Variants in DBF4B observed in about 807,000 individuals in gnomAD.
DBF4B encodes the protein DBF4B-CDC7 kinase regulatory subunit, also known as protein DBF4 homolog B.
In DBF4B, 49 loss-of-function variants were observed where a neutral mutation model predicts 53.4. The ratio of observed to expected loss-of-function variants is 0.92; its 90% CI spans 0.73 to 1.16. The LOEUF is 1.16. DBF4B is among the 50% of genes most tolerant of loss of function. The pLI is 0.00. For missense variants in DBF4B, 692 were observed against 775.0 expected (o/e 0.89, Z 1.27); for synonymous variants, 257 against 288.7 (o/e 0.89, Z 1.11).
intron 6 of DBF4B, among the ~76,000 whole-genome samples, chr17:44,733,425 AGTT>A (rs1311531754): frequency 6.6e-6 from 1 of 152,140 alleles, no homozygotes; most frequent in Non-Finnish European, 1.5e-5. Context: ...ACACTAGAAT[AGTT>A]GTCTTGAACC....
intron 13 of DBF4B, 38 bp downstream of exon 13, chr17:44,748,503 G>A: frequency 6.2e-7 from 1 of 1,612,826 alleles, no homozygotes; most frequent in Non-Finnish European, 8.5e-7. Flanking sequence ...ACAGCACGCA[G>A]GCACCAGCTG....
At chr17:44,744,928 T>C (rs1414841731) in intron 10 of DBF4B, among the ~76,000 whole-genome samples, 1 of 152,226 alleles carries the variant, frequency 6.6e-6, no homozygotes, top group Non-Finnish European at 1.5e-5. Flanking sequence ...ATCACTTTAA[T>C]GATTTGTAAG....
At chr17:44,734,200 G>C in intron 7 of DBF4B, 37 bp downstream of exon 7, 1 of 1,613,812 alleles carries the variant, frequency 6.2e-7, no homozygotes. Context: ...CAAATGGATG[G>C]TTTTCAATGA....
chr17:44,708,883 T>G (rs1972607869), intron 1 of DBF4B, 44 bp downstream of exon 1: 1 of 1,547,752 alleles, frequency 6.5e-7, no homozygotes, highest in Non-Finnish European at 8.7e-7. Context: ...GAAGGGGTCG[T>G]TAATAGCTGA....
intron 5 of DBF4B, chr17:44,731,967 C>T (rs979512349): frequency 5.4e-6 from 3 of 559,586 alleles, no homozygotes; most frequent in African/African-American, 3.8e-5. Context: ...ACCAGTGGTC[C>T]TTCCTCTCCC....
intron 2 of DBF4B, among the ~76,000 whole-genome samples, chr17:44,711,860 C>T (rs1426376321): frequency 2.0e-5 from 3 of 151,596 alleles, no homozygotes; most frequent in Non-Finnish European, 2.9e-5. Flanking sequence ...GGCGTGAACC[C>T]GGGAGGCGGA....
chr17:44,736,678 C>T lies in DBF4B; in HGVS notation c.631-152C>T, dbSNP rs1201545452. 4 of 779,706 alleles carry T rather than the reference C, an allele frequency of 5.1e-6. No individual in the cohort carries two copies. The East Asian group carries it at 1.0e-4, about 20-fold the overall frequency. 48.3% of individuals were successfully genotyped at this position (779,706 alleles called of 1,614,324 possible). On this transcript the variant is annotated intron_variant, in intron 7 of 13. Transcript: ENST00000315005. ...GAGGGAGCCGTTGTGCCCAGGTCTG[C>T]TCCAGCTCAGGGCCTGAGAGTCTGG...
chr17:44,710,581 T>C (rs997374200), intron 2 of DBF4B, among the ~76,000 whole-genome samples: 1 of 152,174 alleles, frequency 6.6e-6, no homozygotes, highest in Non-Finnish European at 1.5e-5. Flanking sequence ...AAATGTTTTA[T>C]TTTATTTATT....
At chr17:44,747,349 A>C (rs1225837378) in intron 11 of DBF4B, 42 bp from the exon 12 acceptor site, 18 of 1,609,602 alleles carry the variant, frequency 1.1e-5, no homozygotes, top group South Asian at 1.1e-5. Flanking sequence ...CCCTCCCCCC[A>C]GGCCTCATCT....
rs947301045 is a variant in DBF4B at position 44,729,763 on chromosome 17, T to A, written c.226-142T>A. On this transcript the variant is annotated intron_variant, in intron 3 of 13. Coordinates refer to ENST00000315005, the MANE Select transcript of DBF4B (RefSeq NM_145663.3). ...TTCAGGATGATGTCTTCTTAGGAAC[T>A]TGGTATGAAACTGCATTTAGTCTAT... The A allele has an allele frequency of 4.6e-5, 36 of 786,440 alleles. No homozygotes were observed. In the South Asian group the frequency reaches 6.5e-4, roughly 14 times the overall value. The allele number at this position is 786,440 out of a possible 1,614,324, so 48.7% of individuals were successfully genotyped here.
chr17:44,726,286 G>T (rs888899600), intron 3 of DBF4B, among the ~76,000 whole-genome samples: 9 of 65,492 alleles, frequency 1.4e-4, no homozygotes, highest in Non-Finnish European at 3.1e-4. Context: ...ATCGCACCCG[G>T]CCCTTTTTTA....
Position 44,738,349 on chromosome 17 carries a change from T to A in DBF4B, c.668-30T>A, listed in dbSNP as rs759385210. The A allele has an allele frequency of 2.5e-6, 4 of 1,610,128 alleles. No individual in the cohort carries two copies. In the South Asian group the frequency reaches 4.4e-5, roughly 18 times the overall value. On this transcript the variant is annotated intron_variant, in intron 8 of 13. Transcript: ENST00000315005. ...CAGGCCCTGCACAGGGGCAGACAGA[T>A]AGCTGATGTGTGCATTCTTCCCCTT...
intron 2 of DBF4B, among the ~76,000 whole-genome samples, chr17:44,717,342 A>G (rs1281782063): frequency 6.6e-6 from 1 of 152,190 alleles, no homozygotes; most frequent in Non-Finnish European, 1.5e-5. Flanking sequence ...AAAAATTTCA[A>G]AAATAGTCAA....
intron 7 of DBF4B, among the ~76,000 whole-genome samples, chr17:44,735,186 G>C (rs1004724506): frequency 1.3e-5 from 2 of 152,200 alleles, no homozygotes; most frequent in Admixed American, 1.3e-4. Flanking sequence ...GGACATTGCT[G>C]CTGTTAAATT....
intron 2 of DBF4B, 23 bp from the exon 3 acceptor site, chr17:44,722,857 T>C (rs1252512141): frequency 6.2e-7 from 1 of 1,611,994 alleles, no homozygotes; most frequent in Non-Finnish European, 8.5e-7. Flanking sequence ...CTTCTTACTT[T>C]GCTCCTCTTT....
At chr17:44,712,839 T>C (rs1273531618) in intron 2 of DBF4B, among the ~76,000 whole-genome samples, 3 of 151,690 alleles carry the variant, frequency 2.0e-5, no homozygotes, top group Non-Finnish European at 4.4e-5. Context: ...CCTCCCAAAG[T>C]GATGGAATTA....
intron 10 of DBF4B, among the ~76,000 whole-genome samples, chr17:44,742,409 CAA>C (rs1248602974): frequency 1.5e-4 from 8 of 52,080 alleles, no homozygotes; most frequent in African/African-American, 1.4e-4. Context: ...GACTCCTTCT[CAA>C]AAAAAAAAAA....
chr17:44,733,333 CCACCA>C (rs1334024745), intron 6 of DBF4B, among the ~76,000 whole-genome samples: 3 of 152,182 alleles, frequency 2.0e-5, no homozygotes, highest in African/African-American at 7.2e-5. Context: ...GTAGTGTGGC[CCACCA>C]CTCTCAGTTT....
chr17:44,747,233 T>G (rs1332610041), intron 11 of DBF4B, 42 bp downstream of exon 11: 1 of 1,607,672 alleles, frequency 6.2e-7, no homozygotes, highest in South Asian at 1.1e-5. Context: ...CAGAGTGCCC[T>G]GAGGGAGCCT....
Sources: gnomAD v4.1 joint callset for allele counts (sites outside exome capture counted in the v4.1 genomes callset) on GRCh38, gnomAD v4.1.1 for gene constraint, MANE v1.5 for transcripts, NCBI Gene and HGNC (gene_info 2026-07-23, HGNC 2026-07-21) for gene names.